The following USH2A variants were observed in gnomAD, a reference collection of about 807,000 sequenced individuals.
USH2A encodes the protein usherin.
Under a neutral mutation model 538.9 loss-of-function variants are expected in USH2A, and 443 were observed. The observed-to-expected ratio is 0.82, with a 90% CI of 0.76 to 0.89. The LOEUF is 0.89. Among genes scored for constraint, USH2A ranks in the 40% least tolerant of loss-of-function variants. USH2A has a pLI of 0.00. For synonymous variants in USH2A, 2,413 were observed against 2,273.5 expected (o/e 1.06, Z -1.75); for missense variants, 6,633 against 6,324.8 (o/e 1.05, Z -1.65).
At chr1:216,012,779 C>G (rs1234380596) in intron 32 of USH2A, among the ~76,000 whole-genome samples, 1 of 152,180 alleles carries the variant, frequency 6.6e-6, no homozygotes, top group Non-Finnish European at 1.5e-5. Flanking sequence ...GGCCTGTCCT[C>G]GGAATGCTAC....
At chr1:216,301,084 A>T (rs972472057) in intron 9 of USH2A, among the ~76,000 whole-genome samples, 3 of 152,028 alleles carry the variant, frequency 2.0e-5, no homozygotes, top group Non-Finnish European at 4.4e-5. Flanking sequence ...TAACACCTTC[A>T]AATTTACAGA....
In USH2A at chr1:216,198,379, G is replaced by C. The variant is rs201553185; in HGVS notation, c.4017C>G (p.Val1339=). Residue 1339 remains valine (V), a synonymous_variant, in exon 18 of 72, where the codon GTC becomes GTG. Coordinates refer to ENST00000307340, the MANE Select transcript of USH2A (RefSeq NM_206933.4). ...CACTTCCAGCCATATTCACAGCTAA[G>C]ACTCTGAACTCATACTTGGTGTATG... ...LEPYTKYEFR[V]LAVNMAGSVS... is the part of the protein sequence containing the mutation. 3.1e-6 allele frequency: 5 copies of C among 1,614,022 alleles called. No homozygotes were observed. The East Asian group carries it at 8.9e-5, about 29-fold the overall frequency.
intron 32 of USH2A, among the ~76,000 whole-genome samples, chr1:216,037,868 T>C (rs891493851): frequency 6.6e-6 from 1 of 151,710 alleles, no homozygotes; most frequent in Non-Finnish European, 1.5e-5. Flanking sequence ...AGCCCCAGTA[T>C]GTGTAGTTCC....
chr1:216,266,720 T>A (rs2036479694), intron 11 of USH2A, among the ~76,000 whole-genome samples: 1 of 152,026 alleles, frequency 6.6e-6, no homozygotes, highest in Admixed American at 6.6e-5. Context: ...AAAATATATA[T>A]GTATGTGTAC....
intron 21 of USH2A, among the ~76,000 whole-genome samples, chr1:216,109,275 T>A (rs1029952932): frequency 6.6e-6 from 1 of 152,126 alleles, no homozygotes; most frequent in African/African-American, 2.4e-5. Flanking sequence ...GACTTTTAGA[T>A]CTAATTTCAT....
intron 21 of USH2A, among the ~76,000 whole-genome samples, chr1:216,149,889 A>G (rs926236106): frequency 6.6e-6 from 1 of 152,146 alleles, no homozygotes; most frequent in Admixed American, 6.5e-5. Context: ...CCATTCCAGA[A>G]TAAAGCTGTG....
chr1:216,183,478 T>C (rs896487250), intron 20 of USH2A, among the ~76,000 whole-genome samples: 1 of 151,872 alleles, frequency 6.6e-6, no homozygotes, highest in Non-Finnish European at 1.5e-5. Flanking sequence ...TCATGAAAAA[T>C]GTATTGCTTC....
intron 38 of USH2A, among the ~76,000 whole-genome samples, chr1:215,910,045 T>C (rs61828476): frequency 0.24 from 37,053 of 151,832 alleles, 5,050 homozygotes; most frequent in African/African-American, 0.36. Context: ...AGTCTATAGA[T>C]AGCACTGAAA....
At chr1:216,316,268 T>C (rs1207025635) in intron 9 of USH2A, among the ~76,000 whole-genome samples, 1 of 152,066 alleles carries the variant, frequency 6.6e-6, no homozygotes, top group Non-Finnish European at 1.5e-5. Context: ...TTTTCTTGAG[T>C]TGTTTTCGGT....
intron 14 of USH2A, among the ~76,000 whole-genome samples, chr1:216,230,713 A>G (rs2035659986): frequency 6.6e-6 from 1 of 152,094 alleles, no homozygotes; most frequent in Admixed American, 6.6e-5. Flanking sequence ...CAAACCCTGA[A>G]ATAATTAGCA....
intron 21 of USH2A, chr1:216,174,038 A>C: frequency 1.0e-6 from 1 of 985,122 alleles, no homozygotes; most frequent in Non-Finnish European, 1.2e-6. Context: ...TGATGTACTG[A>C]GAGAGTAGTT....
intron 55 of USH2A, among the ~76,000 whole-genome samples, chr1:215,767,486 T>C (rs1661166260): frequency 6.6e-6 from 1 of 152,222 alleles, no homozygotes; most frequent in African/African-American, 2.4e-5. Flanking sequence ...TTGAGGTGTG[T>C]TGATTTTGTC....
intron 4 of USH2A, among the ~76,000 whole-genome samples, chr1:216,357,404 TA>T (rs2038410157): frequency 6.6e-6 from 1 of 152,076 alleles, no homozygotes; most frequent in African/African-American, 2.4e-5. Context: ...TCAGCTGAAC[TA>T]AAATGGAGTT....
intron 40 of USH2A, among the ~76,000 whole-genome samples, chr1:215,899,687 T>G (rs1665440108): frequency 6.6e-6 from 1 of 152,122 alleles, no homozygotes; most frequent in African/African-American, 2.4e-5. Context: ...GTAAGCAGCC[T>G]CATGAAGTAA....
At chr1:216,185,186 G>C (rs138563139) in intron 20 of USH2A, among the ~76,000 whole-genome samples, 95 of 151,990 alleles carry the variant, frequency 6.3e-4, no homozygotes, top group African/African-American at 2.1e-3. Context: ...TGAAGATTTT[G>C]CAATGGAGAG....
chr1:216,084,603 T>A, intron 25 of USH2A, 95 bp downstream of exon 25: 1 of 1,364,720 alleles, frequency 7.3e-7, no homozygotes, highest in Non-Finnish European at 1.0e-6. Context: ...ACTAGGTTCA[T>A]ATGAGGTCAA....
chr1:216,094,813 G>A (rs2032400154), intron 22 of USH2A, among the ~76,000 whole-genome samples: 1 of 151,990 alleles, frequency 6.6e-6, no homozygotes, highest in Admixed American at 6.6e-5. Flanking sequence ...TTTATAACCT[G>A]GCTTGGTCAC....
chr1:216,088,620 G>A (rs1358724860), intron 23 of USH2A, among the ~76,000 whole-genome samples: 2 of 152,152 alleles, frequency 1.3e-5, no homozygotes, highest in African/African-American at 4.8e-5. Flanking sequence ...TCTCAACTGT[G>A]TAAGTTAGGA....
At position 216,323,683 on chromosome 1, in the gene USH2A, A is replaced by G; in HGVS notation, c.1341T>C (p.Tyr447=). The change falls in exon 8 of 72, where the codon TAT becomes TAC. Residue 447 remains tyrosine (Y), a synonymous_variant. Coordinates refer to ENST00000307340, the MANE Select transcript of USH2A (RefSeq NM_206933.4). Reference sequence around the variant, plus strand: ...TGCTAAATGTGACATTGCCACGGGAATATGGAGTAAAACTGTTAATGAAAG... The same window carrying G: ...TGCTAAATGTGACATTGCCACGGGAGTATGGAGTAAAACTGTTAATGAAAG... The part of the protein sequence containing the change: ...NCLQLSNFTP[Y]SRGNVTFSIL... 1.2e-6 allele frequency: 2 copies of G among 1,613,512 alleles called. No homozygotes were observed. Among genetic ancestry groups the G allele is most frequent in the East Asian group, 2.2e-5 (1 of 44,788 alleles).
Sources: allele counts gnomAD v4.1 joint callset (sites outside exome capture counted in the v4.1 genomes callset), GRCh38; gene constraint gnomAD v4.1.1; transcripts MANE v1.5; gene names NCBI Gene and HGNC (gene_info 2026-07-23, HGNC 2026-07-21).